The following CDH9 variants were observed in gnomAD, a reference collection of about 807,000 sequenced individuals.
CDH9 encodes the protein cadherin 9.
In CDH9, 28 loss-of-function variants were observed where a neutral mutation model predicts 70.9. That is an observed-to-expected ratio of 0.40 (90% CI 0.29 to 0.54). CDH9 has a LOEUF of 0.54. Ranked by LOEUF, CDH9 falls within the 20% of genes least tolerant of loss-of-function variation. CDH9 has a pLI of 0.59. For synonymous variants in CDH9, 409 were observed against 343.1 expected, an observed-to-expected ratio of 1.19 and a Z score of -2.12; for missense variants, 874 against 984.4, an observed-to-expected ratio of 0.89 and a Z score of 1.50.
At chr5:26,981,299 A>C (rs1742395445) in intron 2 of CDH9, among the ~76,000 whole-genome samples, 2 of 152,102 alleles carry the variant, frequency 1.3e-5, no homozygotes, top group African/African-American at 2.4e-5. Context: ...TGCAGAATTT[A>C]CATTTAACCG....
At position 26,902,494 on chromosome 5, in the gene CDH9, G is replaced by A; in HGVS notation, c.1235C>T (p.Ala412Val). 6.2e-7 allele frequency: 1 copy of A among 1,600,272 alleles called. No homozygotes were observed. Among genetic ancestry groups the A allele is most frequent in the Non-Finnish European group, 8.6e-7 (1 of 1,168,928 alleles). ...IGQVTAYDPD[A>V]RNNLIKYSVD... ...TACTTACTTTATTAAATTGTTCCTG[G>A]CATCTGGATCGTATGCTGTAACCTG... The change falls in exon 7 of 12, where the codon GCC becomes GTC. Residue 412 changes from alanine (A) to valine (V), a missense_variant. Coordinates refer to ENST00000231021, the MANE Select transcript of CDH9 (RefSeq NM_016279.4).
At chr5:26,957,279 T>C (rs1741963183) in intron 2 of CDH9, among the ~76,000 whole-genome samples, 1 of 152,172 alleles carries the variant, frequency 6.6e-6, no homozygotes, top group Non-Finnish European at 1.5e-5. Flanking sequence ...AGGCATTTTG[T>C]ATGTTATTAT....
rs59882843 is a variant in CDH9 at position 26,954,388 on chromosome 5, C to CTT, written c.228+33716_228+33717dup. On this transcript the variant is annotated intron_variant, in intron 2 of 11. Transcript: ENST00000231021. ...AGCTTTTCGCTATTATACAGCCTTT[C>CTT]TTTTTTTTTTTTTTGAGACATAGTC... Among the ~76,000 whole-genome samples, 105 of 93,056 alleles carry CTT rather than the reference C, an allele frequency of 1.1e-3. 14 individuals are homozygous for CTT. The highest frequency in any genetic ancestry group is 1.5e-3 in the Non-Finnish European group (77 of 52,272). The allele number at this position is 93,056 out of a possible 152,430, so 61.0% of individuals were successfully genotyped here. A position where few individuals can be genotyped will look rare whatever the true frequency, so the allele number is the denominator to read the frequency against.
chr5:26,974,170 G>A (rs1056191217), intron 2 of CDH9, among the ~76,000 whole-genome samples: 8 of 152,082 alleles, frequency 5.3e-5, no homozygotes, highest in Admixed American at 3.3e-4. Context: ...CTTGAACCTG[G>A]GAGACAGTGG....
chr5:26,964,988 C>G (rs1323573688), intron 2 of CDH9, among the ~76,000 whole-genome samples: 2 of 152,058 alleles, frequency 1.3e-5, no homozygotes, highest in African/African-American at 4.8e-5. Flanking sequence ...ATAATTAAAA[C>G]AGCTCTTAAT....
At chr5:26,940,419 G>T (rs1203066844) in intron 2 of CDH9, among the ~76,000 whole-genome samples, 1 of 151,974 alleles carries the variant, frequency 6.6e-6, no homozygotes, top group Non-Finnish European at 1.5e-5. Flanking sequence ...TTGATTAATG[G>T]TACACATTAT....
In CDH9 at chr5:26,912,294, T is replaced by C. The variant is rs201869406; in HGVS notation, c.523+3336A>G. Among the ~76,000 whole-genome samples the C allele has an allele frequency of 7.9e-5, 12 of 152,116 alleles. No individual in the cohort carries two copies. In the East Asian group the frequency reaches 2.3e-3, roughly 29 times the overall value. On this transcript the variant is annotated intron_variant, in intron 3 of 11. Transcript: ENST00000231021. ...GACAGAGTTCCTAAATATTACTTGTTAGTTTTCCTATGTAAATTGGTTTAT... is the reference window on the plus strand; with the variant it reads ...GACAGAGTTCCTAAATATTACTTGTCAGTTTTCCTATGTAAATTGGTTTAT...
At chr5:27,016,100 C>T (rs1399639498) in intron 1 of CDH9, among the ~76,000 whole-genome samples, 1 of 151,714 alleles carries the variant, frequency 6.6e-6, no homozygotes, top group African/African-American at 2.4e-5. Context: ...TTTTGAACAG[C>T]TGTTTTCTCC....
intron 1 of CDH9, among the ~76,000 whole-genome samples, chr5:27,027,404 C>T (rs1743237945): frequency 6.6e-6 from 1 of 151,940 alleles, no homozygotes; most frequent in Admixed American, 6.6e-5. Context: ...TGGTGGGTCT[C>T]AATACCCTTT....
chr5:27,013,412 C>T (rs987578694), intron 1 of CDH9, among the ~76,000 whole-genome samples: 11 of 151,916 alleles, frequency 7.2e-5, no homozygotes, highest in African/African-American at 2.7e-4. Flanking sequence ...CTACATTTAT[C>T]TTTTAACATA....
At chr5:27,017,574 AGTGTTT>A (rs1398941899) in intron 1 of CDH9, among the ~76,000 whole-genome samples, 1 of 151,836 alleles carries the variant, frequency 6.6e-6, no homozygotes, top group Non-Finnish European at 1.5e-5. Context: ...TTAGTTCTTT[AGTGTTT>A]GTGTTTGTTT....
chr5:26,958,890 C>A (rs1741989220), intron 2 of CDH9, among the ~76,000 whole-genome samples: 1 of 152,028 alleles, frequency 6.6e-6, no homozygotes, highest in South Asian at 2.1e-4. Flanking sequence ...TGTTTAAGAA[C>A]TACAAATTCA....
At chr5:26,916,613 G>C (rs1270198285) in intron 2 of CDH9, among the ~76,000 whole-genome samples, 1 of 151,856 alleles carries the variant, frequency 6.6e-6, no homozygotes, top group Non-Finnish European at 1.5e-5. Flanking sequence ...TATTTGAATG[G>C]TCTCTCTTTC....
Position 26,949,349 on chromosome 5 carries a change from T to G in CDH9, c.229-33425A>C, listed in dbSNP as rs1164174627. 2.6e-5 allele frequency among the ~76,000 whole-genome samples: 4 copies of G among 152,166 alleles called. No homozygotes were observed. In the East Asian group the frequency reaches 5.8e-4, roughly 22 times the overall value. On this transcript the variant is annotated intron_variant, in intron 2 of 11. Transcript: ENST00000231021. Reference sequence around the variant, plus strand: ...TGGGCGATTGATATAGCTGCTGAGTTTAAAGCCAACTTTAGGTGGAAGAAA... The same window carrying G: ...TGGGCGATTGATATAGCTGCTGAGTGTAAAGCCAACTTTAGGTGGAAGAAA...
At chr5:26,990,145 A>T (rs1311614281) in intron 1 of CDH9, among the ~76,000 whole-genome samples, 1 of 152,194 alleles carries the variant, frequency 6.6e-6, no homozygotes, top group Non-Finnish European at 1.5e-5. Context: ...CATCATGATC[A>T]TCACAACCAT....
intron 1 of CDH9, among the ~76,000 whole-genome samples, chr5:27,035,675 CGTGTGTGTGTGTGT>C (rs56317555): frequency 7.0e-6 from 1 of 142,774 alleles, no homozygotes; most frequent in African/African-American, 2.6e-5. Context: ...TTGCTATTGA[CGTGTGTGTGTGTGT>C]GTGTGTGTGT....
chr5:27,002,940 A>G (rs1416727912), intron 1 of CDH9, among the ~76,000 whole-genome samples: 1 of 152,068 alleles, frequency 6.6e-6, no homozygotes, highest in East Asian at 1.9e-4. Context: ...AAAATAAAAA[A>G]TAAATAAGTA....
At chr5:26,998,198 G>C (rs904272417) in intron 1 of CDH9, among the ~76,000 whole-genome samples, 2 of 152,092 alleles carry the variant, frequency 1.3e-5, no homozygotes, top group African/African-American at 4.8e-5. Context: ...ATACACAACA[G>C]ATTGGGGTCT....
intron 3 of CDH9, among the ~76,000 whole-genome samples, chr5:26,908,825 C>A (rs1423326375): frequency 6.6e-6 from 1 of 152,096 alleles, no homozygotes; most frequent in East Asian, 1.9e-4. Flanking sequence ...CACTGGTAGT[C>A]ACTGACAAAA....
Sources: allele counts gnomAD v4.1 joint callset (sites outside exome capture counted in the v4.1 genomes callset), GRCh38; gene constraint gnomAD v4.1.1; transcripts MANE v1.5; gene names NCBI Gene and HGNC (gene_info 2026-07-23, HGNC 2026-07-21).